Variants in ADCYAP1R1 observed in about 807,000 individuals in gnomAD.
ADCYAP1R1 encodes the protein ADCYAP receptor type I.
ADCYAP1R1 carries 44 observed loss-of-function variants against 67.6 expected under a neutral mutation model. The observed-to-expected ratio is 0.65, with a 90% CI of 0.51 to 0.84. The LOEUF is 0.84. Among genes scored for constraint, ADCYAP1R1 ranks in the 40% least tolerant of loss-of-function variants. The pLI, the probability that ADCYAP1R1 is intolerant of heterozygous loss-of-function variation, is 0.00. For missense variants in ADCYAP1R1, 477 were observed against 587.9 expected, an observed-to-expected ratio of 0.81 and a Z score of 1.95; for synonymous variants, 222 against 219.6, an observed-to-expected ratio of 1.01 and a Z score of -0.10.
At chr7:31,082,856 C>T (rs1386486134) in intron 6 of ADCYAP1R1, among the ~76,000 whole-genome samples, 1 of 152,240 alleles carries the variant, frequency 6.6e-6, no homozygotes, top group Non-Finnish European at 1.5e-5. Flanking sequence ...CAGAGTTACC[C>T]ATCCCAGGAA....
Position 31,110,549 on chromosome 7 carries a change from A to G in ADCYAP1R1, c.*3865A>G, listed in dbSNP as rs1268241734. ...ATCTGAATGAGTAAATGGCTCACCA[A>G]TTTATGCATAGCCCTGCACATGAGC... On this transcript the variant is annotated 3_prime_UTR_variant, in exon 16 of 16. Transcript: ENST00000304166. 2.0e-5 allele frequency: 3 copies of G among 152,334 alleles called. No individual in the cohort carries two copies. Among genetic ancestry groups the G allele is most frequent in the Non-Finnish European group, 4.4e-5 (3 of 68,044 alleles). The allele number at this position is 152,334 out of a possible 1,614,324, so 9.4% of individuals were successfully genotyped here.
intron 12 of ADCYAP1R1, among the ~76,000 whole-genome samples, chr7:31,090,734 C>T (rs774614821): frequency 8.5e-5 from 13 of 152,110 alleles, no homozygotes; most frequent in Non-Finnish European, 7.4e-5. Flanking sequence ...TCCATGTTGC[C>T]GTAAAGGATG....
chr7:31,077,796 G>A lies in ADCYAP1R1; in HGVS notation c.158-195G>A, dbSNP rs35868152. On this transcript the variant is annotated intron_variant, in intron 3 of 15. Coordinates refer to ENST00000304166, the MANE Select transcript of ADCYAP1R1 (RefSeq NM_001118.5). Reference sequence around the variant, plus strand: ...TGTAGTGTGTGTGTGTGATGTGTGCGGTGTCTGTTGTGTGGTGTGTGTGTG... The same window carrying A: ...TGTAGTGTGTGTGTGTGATGTGTGCAGTGTCTGTTGTGTGGTGTGTGTGTG... Among the ~76,000 whole-genome samples, 290 of 146,370 alleles carry A rather than the reference G, an allele frequency of 2.0e-3. 1 individual carries two copies. Among genetic ancestry groups the A allele is most frequent in the African/African-American group, 5.1e-3 (200 of 39,188 alleles).
At chr7:31,056,068 G>T (rs1794227892) in intron 1 of ADCYAP1R1, among the ~76,000 whole-genome samples, 1 of 152,180 alleles carries the variant, frequency 6.6e-6, no homozygotes, top group Non-Finnish European at 1.5e-5. Context: ...TCATGGGTGG[G>T]GAAGCCACAC....
chr7:31,100,882 TG>T (rs1366602110), intron 13 of ADCYAP1R1, among the ~76,000 whole-genome samples: 5 of 152,236 alleles, frequency 3.3e-5, no homozygotes, highest in Non-Finnish European at 7.3e-5. Context: ...ATTGCTCCCC[TG>T]GGCAGCCCAC....
intron 6 of ADCYAP1R1, among the ~76,000 whole-genome samples, chr7:31,083,788 G>A (rs1795616263): frequency 6.6e-6 from 1 of 152,202 alleles, no homozygotes; most frequent in South Asian, 2.1e-4. Context: ...ATCTGCATTT[G>A]TGATCAGTCT....
intron 13 of ADCYAP1R1, among the ~76,000 whole-genome samples, chr7:31,100,761 T>C (rs886893544): frequency 6.6e-6 from 1 of 152,176 alleles, no homozygotes; most frequent in Non-Finnish European, 1.5e-5. Flanking sequence ...GGACCCCTAA[T>C]TGACAGAGGG....
At chr7:31,071,189 A>C (rs1351836314) in intron 3 of ADCYAP1R1, among the ~76,000 whole-genome samples, 2 of 152,212 alleles carry the variant, frequency 1.3e-5, no homozygotes, top group African/African-American at 4.8e-5. Context: ...TCACCATGAC[A>C]ACCCAGGATT....
At chr7:31,089,218 C>G (rs1251560409) in intron 12 of ADCYAP1R1, among the ~76,000 whole-genome samples, 1 of 151,638 alleles carries the variant, frequency 6.6e-6, no homozygotes, top group Non-Finnish European at 1.5e-5. Context: ...TTTCTGAATT[C>G]TCTTATTGGT....
At chr7:31,069,965 A>T (rs1794906005) in intron 3 of ADCYAP1R1, among the ~76,000 whole-genome samples, 2 of 152,124 alleles carry the variant, frequency 1.3e-5, no homozygotes, top group Admixed American at 6.5e-5. Context: ...TGCTAATGGG[A>T]TTTAAGCCAA....
intron 13 of ADCYAP1R1, among the ~76,000 whole-genome samples, chr7:31,094,883 G>A (rs752901798): frequency 6.6e-6 from 1 of 151,690 alleles, no homozygotes; most frequent in Non-Finnish European, 1.5e-5. Context: ...AAATCCCTTT[G>A]CAATCTCAGC....
intron 12 of ADCYAP1R1, among the ~76,000 whole-genome samples, chr7:31,092,150 G>T (rs1447600370): frequency 6.8e-6 from 1 of 146,958 alleles, no homozygotes. Context: ...TTCCTACTTT[G>T]TTTAGGAAGC....
intron 13 of ADCYAP1R1, chr7:31,100,084 GGT>G (rs1562656168): frequency 6.5e-7 from 1 of 1,532,136 alleles, no homozygotes; most frequent in Non-Finnish European, 8.8e-7. Context: ...TTCACTGCCT[GGT>G]GCCCCCCAGC....
rs760562235 is a variant in ADCYAP1R1, at chr7:31,106,523, C to T, written c.1246C>T (p.Arg416Ter). The T allele has an allele frequency of 2.5e-6, 4 of 1,611,702 alleles. No individual in the cohort carries two copies. The highest frequency in any genetic ancestry group is 3.4e-6 in the Non-Finnish European group (4 of 1,178,766). Residue 416 changes from arginine to a stop codon, truncating the protein, a stop_gained, in exon 16 of 16, where the codon CGA (arginine) becomes TGA (stop). Coordinates refer to ENST00000304166, the MANE Select transcript of ADCYAP1R1 (RefSeq NM_001118.5). LOFTEE classifies it high-confidence loss of function. ...ACAAGCGGAGATCAAGCGAAAATGGCGAAGCTGGAAGGTGAACCGTTACTT... is the reference window on the plus strand; with the variant it reads ...ACAAGCGGAGATCAAGCGAAAATGGTGAAGCTGGAAGGTGAACCGTTACTT... ...EVQAEIKRKWRSWKVNRYFAV... is the reference protein window; with the variant it reads ...EVQAEIKRKW
At chr7:31,083,599 T>TG (rs1795604885) in intron 6 of ADCYAP1R1, among the ~76,000 whole-genome samples, 1 of 152,214 alleles carries the variant, frequency 6.6e-6, no homozygotes, top group African/African-American at 2.4e-5. Context: ...GCAAGCCCTG[T>TG]GTCCCCTTGA....
At chr7:31,084,558 G>A (rs1314551005) in intron 7 of ADCYAP1R1, among the ~76,000 whole-genome samples, 179 bp from the exon 8 acceptor site, 2 of 152,232 alleles carry the variant, frequency 1.3e-5, no homozygotes, top group South Asian at 4.1e-4. Context: ...GTGCAAAGGG[G>A]ACCAAGAGGC....
chr7:31,064,755 C>T, intron 2 of ADCYAP1R1, 76 bp from the exon 3 acceptor site: 3 of 1,205,784 alleles, frequency 2.5e-6, no homozygotes, highest in Non-Finnish European at 3.6e-6. Flanking sequence ...AAGACACTGC[C>T]CCTGGGGCTT....
chr7:31,071,256 C>T (rs1037320201), intron 3 of ADCYAP1R1, among the ~76,000 whole-genome samples: 1 of 152,184 alleles, frequency 6.6e-6, no homozygotes, highest in African/African-American at 2.4e-5. Context: ...CTTTCAGTCG[C>T]TCTGCCTGAG....
chr7:31,098,714 GGGGGA>G, intron 13 of ADCYAP1R1, among the ~76,000 whole-genome samples: 1 of 117,750 alleles, frequency 8.5e-6, no homozygotes, highest in South Asian at 3.9e-4. Flanking sequence ...GGGGGGGGGG[GGGGGA>G]CCTGGGCTTG....
Sources: allele counts gnomAD v4.1 joint callset (sites outside exome capture counted in the v4.1 genomes callset), GRCh38; gene constraint gnomAD v4.1.1; transcripts MANE v1.5; gene names NCBI Gene and HGNC (gene_info 2026-07-23, HGNC 2026-07-21).